The following EPHB1 variants were observed in gnomAD, a reference collection of about 807,000 sequenced individuals.
EPHB1 encodes ephrin type-B receptor 1.
EPHB1 carries 30 observed loss-of-function variants against 94.4 expected under a neutral mutation model. The ratio of observed to expected loss-of-function variants is 0.32; its 90% CI spans 0.24 to 0.43. The LOEUF is 0.43. Among genes scored for constraint, EPHB1 ranks in the 20% least tolerant of loss-of-function variants. EPHB1 has a pLI of 1.00. For missense variants in EPHB1, 1,055 were observed against 1,308.3 expected (o/e 0.81, Z 2.99); for synonymous variants, 522 against 489.1 (o/e 1.07, Z -0.89).
At chr3:134,841,407 G>A (rs2036774875) in intron 1 of EPHB1, 2 of 152,204 alleles carry the variant, frequency 1.3e-5, no homozygotes, top group South Asian at 4.1e-4. Flanking sequence ...TCTGTATGTG[G>A]GACAGGTGGG....
chr3:135,257,894 G>T (rs951058737), intron 15 of EPHB1, among the ~76,000 whole-genome samples: 1 of 151,664 alleles, frequency 6.6e-6, no homozygotes, highest in Non-Finnish European at 1.5e-5. Context: ...CTCCGAGCCA[G>T]GTGTGGGATA....
chr3:134,858,995 C>T (rs2037186166), intron 1 of EPHB1, among the ~76,000 whole-genome samples: 1 of 152,228 alleles, frequency 6.6e-6, no homozygotes, highest in Non-Finnish European at 1.5e-5. Context: ...CCACCCTGCC[C>T]TCACGGTGAC....
At chr3:135,204,253 G>T (rs1942837454) in intron 12 of EPHB1, among the ~76,000 whole-genome samples, 1 of 151,954 alleles carries the variant, frequency 6.6e-6, no homozygotes, top group Non-Finnish European at 1.5e-5. Flanking sequence ...ATCCAGGCTG[G>T]AGTGCAATGG....
intron 1 of EPHB1, among the ~76,000 whole-genome samples, chr3:134,803,721 C>G (rs192620012): frequency 8.1e-4 from 123 of 152,320 alleles, no homozygotes; most frequent in African/African-American, 2.8e-3. Flanking sequence ...TTAACTGGCT[C>G]AAGAGCGAAG....
At chr3:135,035,177 G>A (rs1161493137) in intron 3 of EPHB1, among the ~76,000 whole-genome samples, 2 of 152,216 alleles carry the variant, frequency 1.3e-5, no homozygotes, top group African/African-American at 4.8e-5. Context: ...CACACGAAGT[G>A]GGGATGGGTT....
At chr3:135,020,600 A>G (rs905838963) in intron 3 of EPHB1, among the ~76,000 whole-genome samples, 10 of 152,194 alleles carry the variant, frequency 6.6e-5, no homozygotes, top group African/African-American at 1.7e-4. Flanking sequence ...CAATACCTCA[A>G]TTTGCCATTA....
intron 3 of EPHB1, among the ~76,000 whole-genome samples, chr3:134,978,476 CT>C (rs1047744381): frequency 6.6e-6 from 1 of 152,200 alleles, no homozygotes; most frequent in African/African-American, 2.4e-5. Flanking sequence ...TGCAGCCCCA[CT>C]TTAAGTATCT....
intron 1 of EPHB1, among the ~76,000 whole-genome samples, chr3:134,858,045 A>G (rs533570123): frequency 6.6e-6 from 1 of 152,244 alleles, no homozygotes; most frequent in South Asian, 2.1e-4. Flanking sequence ...GCTTCCCAGA[A>G]GCCCTCCAGG....
chr3:135,138,313 G>A (rs1452290081), intron 5 of EPHB1, among the ~76,000 whole-genome samples: 1 of 152,154 alleles, frequency 6.6e-6, no homozygotes, highest in Non-Finnish European at 1.5e-5. Context: ...TTCTTAGACA[G>A]TTAAAATCAC....
intron 1 of EPHB1, among the ~76,000 whole-genome samples, chr3:134,812,193 C>G (rs939129444): frequency 6.6e-6 from 1 of 152,168 alleles, no homozygotes; most frequent in Admixed American, 6.5e-5. Flanking sequence ...TGAGGTTTCA[C>G]AAATGAGTGT....
chr3:134,942,715 A>G (rs2039144017), intron 2 of EPHB1, among the ~76,000 whole-genome samples: 3 of 152,234 alleles, frequency 2.0e-5, no homozygotes, highest in Admixed American at 6.5e-5. Context: ...CTAGGATAAA[A>G]AGTGAGATGA....
intron 3 of EPHB1, among the ~76,000 whole-genome samples, chr3:135,044,310 C>T (rs1223275560): frequency 1.3e-5 from 2 of 152,286 alleles, no homozygotes; most frequent in African/African-American, 2.4e-5. Flanking sequence ...TTGCAAGTGT[C>T]GCCAAGCCAT....
rs374155392 is a variant in EPHB1, at chr3:135,041,210, C to T, written c.806-65238C>T. On this transcript the variant is annotated intron_variant, in intron 3 of 15. Transcript: ENST00000398015. Reference sequence around the variant, plus strand: ...TTCAGCCTGCTATTCTATTTTCTCTCTTCTTGTTTTTGCCTCAGAGAGAAT... The same window carrying T: ...TTCAGCCTGCTATTCTATTTTCTCTTTTCTTGTTTTTGCCTCAGAGAGAAT... Among the ~76,000 whole-genome samples the T allele has an allele frequency of 4.6e-5, 7 of 152,310 alleles. No homozygotes were observed. The East Asian group carries it at 1.2e-3, about 25-fold the overall frequency.
At chr3:134,849,372 C>A (rs1053595607) in intron 1 of EPHB1, among the ~76,000 whole-genome samples, 3 of 152,148 alleles carry the variant, frequency 2.0e-5, no homozygotes, top group African/African-American at 7.2e-5. Flanking sequence ...AGAGCAAAGC[C>A]AAGAGGACTT....
intron 3 of EPHB1, among the ~76,000 whole-genome samples, chr3:135,087,549 A>G (rs1938402293): frequency 6.6e-6 from 1 of 152,204 alleles, no homozygotes; most frequent in Non-Finnish European, 1.5e-5. Flanking sequence ...GCTGATGGGC[A>G]GCAGCCTGGC....
chr3:135,250,124 C>T (rs1475608953), intron 15 of EPHB1, among the ~76,000 whole-genome samples: 2 of 152,116 alleles, frequency 1.3e-5, no homozygotes, highest in Non-Finnish European at 2.9e-5. Context: ...AAAAAAGGTC[C>T]CACTGTCAAA....
At chr3:134,869,044 G>T (rs1367600423) in intron 1 of EPHB1, among the ~76,000 whole-genome samples, 2 of 152,244 alleles carry the variant, frequency 1.3e-5, no homozygotes, top group African/African-American at 4.8e-5. Context: ...ACATTTCTGT[G>T]CCTCAGTTTC....
Position 135,091,624 on chromosome 3 carries a change from G to A in EPHB1, c.806-14824G>A, listed in dbSNP as rs116078814. Reference sequence around the variant, plus strand: ...AATTTGTGGGCTCACCAAACTCTGGGGTGAGGAAGCCTGGAAAGGAAGGAA... The same window carrying A: ...AATTTGTGGGCTCACCAAACTCTGGAGTGAGGAAGCCTGGAAAGGAAGGAA... On this transcript the variant is annotated intron_variant, in intron 3 of 15. Coordinates refer to ENST00000398015, the MANE Select transcript of EPHB1 (RefSeq NM_004441.5). 6.2e-3 allele frequency among the ~76,000 whole-genome samples: 942 copies of A among 152,314 alleles called. 7 individuals carry two copies. Among genetic ancestry groups the A allele is most frequent in the Non-Finnish European group, 9.7e-3 (663 of 68,026 alleles).
At position 134,955,518 on chromosome 3, in the gene EPHB1, T is replaced by G. The variant is rs553663488; in HGVS notation, c.805+3466T>G. ...AATCCAGTCTATCATTGTTGGACAT[T>G]TGGTGGGACTGTAAACTAGTTCAAC... On this transcript the variant is annotated intron_variant, in intron 3 of 15. Transcript: ENST00000398015. 1.3e-3 allele frequency among the ~76,000 whole-genome samples: 129 copies of G among 102,598 alleles called. 40 individuals carry two copies. The highest frequency in any genetic ancestry group is 0.011 in the Middle Eastern group (2 of 186). The allele number at this position is 102,598 out of a possible 152,430, so 67.3% of individuals were successfully genotyped here.
Sources: gnomAD v4.1 joint callset for allele counts (sites outside exome capture counted in the v4.1 genomes callset) on GRCh38, gnomAD v4.1.1 for gene constraint, MANE v1.5 for transcripts, NCBI Gene and HGNC (gene_info 2026-07-23, HGNC 2026-07-21) for gene names.